Variants in GGT7 observed in about 807,000 individuals in gnomAD.
The protein encoded by GGT7 is glutathione hydrolase 7.
GGT7 carries 30 observed loss-of-function variants against 69.2 expected under a neutral mutation model. The ratio of observed to expected loss-of-function variants is 0.43; its 90% CI spans 0.32 to 0.59. The LOEUF (loss-of-function observed/expected upper bound fraction) is 0.59. GGT7 is among the 20% of genes least tolerant of loss of function. The pLI, the probability that GGT7 is intolerant of heterozygous loss-of-function variation, is 0.05. For synonymous variants in GGT7, 388 were observed against 391.8 expected, an observed-to-expected ratio of 0.99 and a Z score of 0.12; for missense variants, 733 against 901.1, an observed-to-expected ratio of 0.81 and a Z score of 2.39.
intron 1 of GGT7, among the ~76,000 whole-genome samples, chr20:34,868,423 A>G (rs985435309): frequency 6.6e-6 from 1 of 152,254 alleles, no homozygotes; most frequent in Non-Finnish European, 1.5e-5. Context: ...ACCAGAAGGA[A>G]TAAGTCTTTT....
intron 13 of GGT7, among the ~76,000 whole-genome samples, chr20:34,850,380 T>C (rs1488061693): frequency 2.0e-5 from 3 of 152,182 alleles, no homozygotes; most frequent in Non-Finnish European, 4.4e-5. Context: ...GCAAGGTTAA[T>C]AGCTAGGAGT....
At position 34,872,670 on chromosome 20, in the gene GGT7, G is replaced by A; in HGVS notation, c.146C>T (p.Ala49Val). ...APLRGRKDED[A>V]FLGDPDTDPD... ...ACCGGTGTCGGGGTCTCCCAGAAAG[G>A]CGTCCTCGTCCTTGCGGCCCCTCAG... is the stretch of plus-strand genomic sequence containing the variant. The change falls in exon 1 of 15, where the codon GCC becomes GTC. Residue 49 changes from alanine (A) to valine (V), a missense_variant. Transcript: ENST00000336431. 1 of 1,481,410 alleles carries A rather than the reference G, an allele frequency of 6.8e-7. No homozygotes were observed. The highest frequency in any genetic ancestry group is 8.9e-7 in the Non-Finnish European group (1 of 1,121,590). 91.8% of individuals were successfully genotyped at this position (1,481,410 alleles called of 1,614,324 possible). A position where few individuals can be genotyped will look rare whatever the true frequency, so the allele number is the denominator to read the frequency against.
Position 34,862,884 on chromosome 20 carries a change from A to C in GGT7, c.487T>G (p.Ser163Ala). Residue 163 changes from serine to alanine, a missense_variant, in exon 3 of 15, where the codon TCT becomes GCT. By Grantham distance (99) the Ser-to-Ala change is moderately conservative. Coordinates refer to ENST00000336431, the MANE Select transcript of GGT7 (RefSeq NM_178026.3). ...GCTGCTGCCACCGCTGCGTCCACAG[A>C]AGATCCCTGTTTACTGAGCACCTCG... ...GIEVLSKQGS[S>A]VDAAVAAALC... is the part of the protein sequence containing the mutation. 6.2e-7 allele frequency: 1 copy of C among 1,614,118 alleles called. No individual in the cohort carries two copies. The highest frequency in any genetic ancestry group is 1.3e-5 in the African/African-American group (1 of 75,010).
chr20:34,845,102 A>C lies in GGT7; in HGVS notation c.*226T>G, dbSNP rs1340206968. 3.6e-6 allele frequency: 2 copies of C among 559,606 alleles called. No homozygotes were observed. The highest frequency in any genetic ancestry group is 6.4e-6 in the Non-Finnish European group (2 of 313,308). 34.7% of individuals were successfully genotyped at this position (559,606 alleles called of 1,614,324 possible). ...TCCTGCCTGCCTGGCTGTACTGTAGATGCTGACACTCACCACCACCACCAC... is the reference window on the plus strand; with the variant it reads ...TCCTGCCTGCCTGGCTGTACTGTAGCTGCTGACACTCACCACCACCACCAC... On this transcript the variant is annotated 3_prime_UTR_variant, in exon 15 of 15. Coordinates refer to ENST00000336431, the MANE Select transcript of GGT7 (RefSeq NM_178026.3).
Position 34,861,470 on chromosome 20 carries a change from G to C in GGT7, c.650C>G (p.Thr217Ser). Reference sequence around the variant, plus strand: ...CTTGGTCTCCCAGGATCTTTGCAGGGTCTCTTCCCTGAGGGCCCCTGGTGC... The same window carrying C: ...CTTGGTCTCCCAGGATCTTTGCAGGCTCTCTTCCCTGAGGGCCCCTGGTGC... Reference protein sequence around the residue: ...ESAPGALREETLQRSWETKPG... With the variant: ...ESAPGALREESLQRSWETKPG... The change falls in exon 4 of 15, where the codon ACC (threonine) becomes AGC (serine). Residue 217 changes from threonine to serine, a missense_variant. By Grantham distance (58) the Thr-to-Ser change is moderately conservative. Coordinates refer to ENST00000336431, the MANE Select transcript of GGT7 (RefSeq NM_178026.3). 6.4e-7 allele frequency: 1 copy of C among 1,560,674 alleles called. No individual in the cohort carries two copies. Among genetic ancestry groups the C allele is most frequent in the Non-Finnish European group, 8.7e-7 (1 of 1,144,360 alleles).
In GGT7 at chr20:34,852,406, G is replaced by T; in HGVS notation, c.1452C>A (p.Phe484Leu). The T allele has an allele frequency of 6.2e-7, 1 of 1,614,118 alleles. No homozygotes were observed. The highest frequency in any genetic ancestry group is 1.3e-5 in the African/African-American group (1 of 75,048). ...TGGCATACCTAACCATGGCCACAAT[G>T]AAGTCATCAGGTCCCATGATCAGCA... ...AQVLIMGPDD[F>L]IVAMVSSLNQ... Residue 484 changes from phenylalanine to leucine, a missense_variant, in exon 11 of 15, where the codon TTC becomes TTA. By Grantham distance (22) the Phe-to-Leu change is conservative (BLOSUM62 0). Transcript: ENST00000336431.
chr20:34,851,202 A>G (rs1389530382), intron 13 of GGT7, 29 bp downstream of exon 13: 1 of 1,608,742 alleles, frequency 6.2e-7, no homozygotes, highest in South Asian at 1.1e-5. Context: ...CTCCCGGCTG[A>G]AAAAGGCCAA....
chr20:34,858,796 C>T (rs1236486339), intron 7 of GGT7, among the ~76,000 whole-genome samples: 1 of 152,184 alleles, frequency 6.6e-6, no homozygotes, highest in Admixed American at 6.5e-5. Flanking sequence ...TGGGTCTCCA[C>T]CAGGCCTGGG....
intron 10 of GGT7, among the ~76,000 whole-genome samples, chr20:34,854,187 T>A (rs1337753513): frequency 6.6e-6 from 1 of 152,234 alleles, no homozygotes; most frequent in East Asian, 1.9e-4. Context: ...TCCACCCGCC[T>A]TGGCCTCCCA....
chr20:34,850,297 C>A (rs1383392438), intron 13 of GGT7: 3 of 700,650 alleles, frequency 4.3e-6, no homozygotes, highest in East Asian at 5.3e-5. Flanking sequence ...TAGAGGAAGC[C>A]AGGGAAGATA....
chr20:34,849,194 ACT>A (rs1205756009), intron 14 of GGT7, among the ~76,000 whole-genome samples: 1 of 143,738 alleles, frequency 7.0e-6, no homozygotes, highest in African/African-American at 2.6e-5. Context: ...ATAGGATCTC[ACT>A]CTGTTACCCA....
At chr20:34,859,699 G>T (rs1350954515) in intron 6 of GGT7, 60 bp from the exon 7 acceptor site, 4 of 1,370,226 alleles carry the variant, frequency 2.9e-6, no homozygotes, top group Non-Finnish European at 3.0e-6. Context: ...CGGATGAGAC[G>T]CGCAATAGAT....
chr20:34,852,185 G>C lies in GGT7; in HGVS notation c.1557C>G (p.Asn519Lys), dbSNP rs770426550. 6.2e-7 allele frequency: 1 copy of C among 1,613,188 alleles called. No homozygotes were observed. Among genetic ancestry groups the C allele is most frequent in the African/African-American group, 1.3e-5 (1 of 74,928 alleles). The change falls in exon 12 of 15, where the codon AAC (asparagine) becomes AAG (lysine). Residue 519 changes from asparagine (N) to lysine (K), a missense_variant. Asn to Lys is a moderately conservative substitution (Grantham distance 94, BLOSUM62 0). Transcript: ENST00000336431. ...NSQMLDFSWP[N>K]RTANHSAPSL... is the part of the protein sequence containing the mutation. ...TGGGTGCAGAGTGGTTAGCTGTCCG[G>C]TTGGGCCAGGAGAAGTCCAGCATCT...
chr20:34,845,479 T>C lies in GGT7; in HGVS notation c.1838A>G (p.Glu613Gly). 1 of 1,613,928 alleles carries C rather than the reference T, an allele frequency of 6.2e-7. No homozygotes were observed. The highest frequency in any genetic ancestry group is 8.5e-7 in the Non-Finnish European group (1 of 1,179,860). The change falls in exon 15 of 15, where the codon GAG (glutamate) becomes GGG (glycine). Residue 613 changes from glutamate to glycine, a missense_variant. Coordinates refer to ENST00000336431, the MANE Select transcript of GGT7 (RefSeq NM_178026.3). ...GGCTTCCAGGAACTCAATCTCTTCC[T>C]CTGTGAACTCACCTGAAAACCATCC... Reference protein sequence around the residue: ...NLLQVDSEFTEEEIEFLEARG... With the variant: ...NLLQVDSEFTGEEIEFLEARG...
chr20:34,852,326 G>GC, intron 11 of GGT7, 54 bp from the exon 12 acceptor site: 1 of 1,575,350 alleles, frequency 6.3e-7, no homozygotes, highest in Non-Finnish European at 8.7e-7. Flanking sequence ...CCTCTACCCA[G>GC]CCCCCACCCC....
intron 1 of GGT7, among the ~76,000 whole-genome samples, chr20:34,865,266 C>A (rs903240628): frequency 4.6e-5 from 7 of 152,218 alleles, no homozygotes; most frequent in African/African-American, 1.2e-4. Flanking sequence ...CTCCCTGCAA[C>A]CTCTGCCTCC....
At chr20:34,846,617 T>A (rs1275839544) in intron 14 of GGT7, among the ~76,000 whole-genome samples, 1 of 152,054 alleles carries the variant, frequency 6.6e-6, no homozygotes, top group African/African-American at 2.4e-5. Flanking sequence ...GCCCCCTGCC[T>A]TTCTTATAGC....
At position 34,861,447 on chromosome 20, in the gene GGT7, TG is replaced by T; in HGVS notation, c.672del (p.Lys225SerfsTer12). The T allele has an allele frequency of 6.6e-7, 1 of 1,522,240 alleles. No homozygotes were observed. Among genetic ancestry groups the T allele is most frequent in the Non-Finnish European group, 9.0e-7 (1 of 1,112,110 alleles). 94.3% of individuals were successfully genotyped at this position (1,522,240 alleles called of 1,614,324 possible). ...REETLQRSWE[T>X]KPGLLVGVPG... ...TCTCTTCTCACCAGGGTCCCCACCT[TG>T]GTCTCCCAGGATCTTTGCAGGGTCT... On this transcript the variant is annotated frameshift_variant, in exon 4 of 15. Transcript: ENST00000336431. LOFTEE classifies it high-confidence loss of function.
At position 34,845,020 on chromosome 20, in the gene GGT7, C is replaced by A; in HGVS notation, c.*308G>T. 1 of 371,930 alleles carries A rather than the reference C, an allele frequency of 2.7e-6. No homozygotes were observed. Among genetic ancestry groups the A allele is most frequent in the South Asian group, 4.1e-5 (1 of 24,456 alleles). 23.0% of individuals were successfully genotyped at this position (371,930 alleles called of 1,614,324 possible). On this transcript the variant is annotated 3_prime_UTR_variant, in exon 15 of 15. Transcript: ENST00000336431. ...TGCAAGCACATCCCTAAGCTCGGGG[C>A]CAGCATGGCTGAAGGAGGAGAGGTG...
Sources: gnomAD v4.1 joint callset for allele counts (sites outside exome capture counted in the v4.1 genomes callset) on GRCh38, gnomAD v4.1.1 for gene constraint, MANE v1.5 for transcripts, NCBI Gene and HGNC (gene_info 2026-07-23, HGNC 2026-07-21) for gene names.